C5: variants seen among roughly 807,000 people sequenced by gnomAD.
C5 encodes complement C5, also known as C3 and PZP-like alpha-2-macroglobulin domain-containing protein 4.
In C5, 140 loss-of-function variants were observed where a neutral mutation model predicts 218.8. The observed-to-expected ratio is 0.64, with a 90% CI of 0.56 to 0.74. The LOEUF is 0.74. C5 is among the 30% of genes least tolerant of loss of function. The probability of loss-of-function intolerance (pLI) is 0.00; values close to 1 mark genes in which losing one functional copy is unlikely to be tolerated. For missense variants in C5, 1,700 were observed against 1,969.6 expected, an observed-to-expected ratio of 0.86 and a Z score of 2.59; for synonymous variants, 614 against 682.3, an observed-to-expected ratio of 0.90 and a Z score of 1.56.
chr9:121,037,443 A>AGCTGTT (rs2047536999), intron 4 of C5, among the ~76,000 whole-genome samples: 1 of 150,864 alleles, frequency 6.6e-6, no homozygotes, highest in East Asian at 2.0e-4. Flanking sequence ...CCTCCCGAGT[A>AGCTGTT]GCTGGGACTA....
chr9:121,047,459 G>A (rs1468672), intron 1 of C5, among the ~76,000 whole-genome samples: 114,584 of 152,058 alleles, frequency 0.75, 43,525 homozygotes, highest in East Asian at 0.96. Flanking sequence ...TATATCACAA[G>A]AGTATCTAAT....
chr9:120,992,851 A>T (rs1415251192), intron 22 of C5, among the ~76,000 whole-genome samples: 3 of 152,216 alleles, frequency 2.0e-5, no homozygotes, highest in Non-Finnish European at 4.4e-5. Flanking sequence ...TAACCATAAG[A>T]TGAAATTATG....
chr9:120,978,054 A>G (rs1425925398), intron 28 of C5, among the ~76,000 whole-genome samples: 1 of 152,082 alleles, frequency 6.6e-6, no homozygotes, highest in Non-Finnish European at 1.5e-5. Flanking sequence ...CTTTTTCCTG[A>G]TAGGAAAATT....
intron 31 of C5, 57 bp downstream of exon 31, chr9:120,971,873 T>G (rs972412071): frequency 1.5e-6 from 2 of 1,343,768 alleles, no homozygotes; most frequent in Non-Finnish European, 1.1e-6. Flanking sequence ...CTAACTTTTA[T>G]GTTACCTAGT....
intron 12 of C5, among the ~76,000 whole-genome samples, chr9:121,018,252 C>CAAAA (rs1189613789): frequency 1.7e-4 from 7 of 42,202 alleles, no homozygotes; most frequent in African/African-American, 3.7e-4. Flanking sequence ...GACTCTGTCT[C>CAAAA]AAAAAAAAAA....
chr9:120,997,886 T>TCC (rs1280574464), intron 20 of C5, 112 bp from the exon 21 acceptor site: 2 of 856,224 alleles, frequency 2.3e-6, no homozygotes, highest in African/African-American at 1.7e-5. Flanking sequence ...CACTGCAACC[T>TCC]CCGCCTCCCG....
the C5 span, among the ~76,000 whole-genome samples, chr9:121,065,219 G>A: frequency 1.3e-5 from 2 of 152,032 alleles, no homozygotes; most frequent in African/African-American, 4.8e-5. Context: ...CATCAAAGAG[G>A]ACAAAAAGAT....
At chr9:120,988,954 G>A (rs1176011295) in intron 25 of C5, 92 bp downstream of exon 25, 2 of 933,274 alleles carry the variant, frequency 2.1e-6, no homozygotes, top group East Asian at 4.8e-5. Flanking sequence ...CTTTTAGCCT[G>A]AGCAACTGGA....
intron 10 of C5, among the ~76,000 whole-genome samples, chr9:121,022,036 AG>A (rs1349569079): frequency 6.6e-6 from 1 of 152,204 alleles, no homozygotes; most frequent in African/African-American, 2.4e-5. Flanking sequence ...GCTTATAGAA[AG>A]ATTTAATTCT....
At chr9:120,997,805 T>A (rs1380153531) in intron 20 of C5, 31 bp from the exon 21 acceptor site, 1 of 1,556,540 alleles carries the variant, frequency 6.4e-7, no homozygotes. Context: ...TATATCAAAA[T>A]ACATTTTTTT....
chr9:121,014,387 T>C (rs1280212737), intron 16 of C5, among the ~76,000 whole-genome samples: 1 of 152,214 alleles, frequency 6.6e-6, no homozygotes, highest in Non-Finnish European at 1.5e-5. Context: ...GAATAGAAAA[T>C]GTTTTTTAAG....
At chr9:120,962,990 T>C in intron 34 of C5, 23 bp from the exon 35 acceptor site, 5 of 1,562,480 alleles carry the variant, frequency 3.2e-6, no homozygotes, top group Non-Finnish European at 4.4e-6. Flanking sequence ...AGAGAGAAGC[T>C]TGAATTTCAT....
intron 6 of C5, among the ~76,000 whole-genome samples, chr9:121,030,766 T>C (rs1051948458): frequency 6.6e-6 from 1 of 152,208 alleles, no homozygotes; most frequent in African/African-American, 2.4e-5. Context: ...CATTAGAGTA[T>C]AGGTTCCTTG....
At chr9:121,074,284 T>C in the C5 span, among the ~76,000 whole-genome samples, 2 of 152,204 alleles carry the variant, frequency 1.3e-5, no homozygotes, top group East Asian at 3.8e-4. Context: ...TTCTTTAAAA[T>C]ATCTGTTGAA....
At chr9:121,019,906 G>T in intron 12 of C5, 70 bp downstream of exon 12, 1 of 948,370 alleles carries the variant, frequency 1.1e-6, no homozygotes, top group Non-Finnish European at 1.7e-6. Context: ...TAATTCTAAT[G>T]CCTCTCTAGA....
chr9:121,002,229 T>TGTATATATACGTATATAC, intron 20 of C5, among the ~76,000 whole-genome samples: 1 of 61,226 alleles, frequency 1.6e-5, no homozygotes, highest in Admixed American at 2.3e-4. Context: ...TATATATATA[T>TGTATATATACGTATATAC]GTATATATGT....
chr9:120,999,659 T>C (rs754428347), intron 20 of C5: 3 of 240,560 alleles, frequency 1.2e-5, no homozygotes, highest in African/African-American at 2.4e-5. Flanking sequence ...CAGAGGAATG[T>C]AATAGAATCC....
chr9:120,967,380 G>C (rs977431293), intron 33 of C5, among the ~76,000 whole-genome samples: 2 of 152,042 alleles, frequency 1.3e-5, no homozygotes. Flanking sequence ...TATCTCTTTG[G>C]GTCTTAGTTT....
At chr9:121,028,279 A>G (rs2047442364) in intron 7 of C5, among the ~76,000 whole-genome samples, 1 of 152,270 alleles carries the variant, frequency 6.6e-6, no homozygotes, top group African/African-American at 2.4e-5. Flanking sequence ...TGTGGAAGAC[A>G]GTGTGGCAAT....
Sources: gnomAD v4.1 joint callset for allele counts (sites outside exome capture counted in the v4.1 genomes callset) on GRCh38, gnomAD v4.1.1 for gene constraint, MANE v1.5 for transcripts, NCBI Gene and HGNC (gene_info 2026-07-23, HGNC 2026-07-21) for gene names.